Variants in SPG7 observed in about 807,000 individuals in gnomAD.
SPG7 encodes the protein mitochondrial inner membrane m-AAA protease component paraplegin.
A neutral mutation model predicts 81.9 loss-of-function variants in SPG7; 103 were observed. That is an observed-to-expected ratio of 1.26 (90% CI 1.07 to 1.48). The LOEUF is 1.48. SPG7 is among the 40% of genes most tolerant of loss of function. SPG7 has a pLI of 0.00. For missense variants in SPG7, 1,241 were observed against 1,087.3 expected (o/e 1.14, Z -1.99); for synonymous variants, 534 against 444.2 (o/e 1.20, Z -2.54).
At chr16:89,509,702 T>C (rs1334479745) in intron 1 of SPG7, among the ~76,000 whole-genome samples, 1 of 152,022 alleles carries the variant, frequency 6.6e-6, no homozygotes, top group African/African-American at 2.4e-5. Context: ...CTGTGGCCTT[T>C]GGAGAGCTGG....
intron 3 of SPG7, chr16:89,519,594 CTTG>C (rs2058157096): frequency 6.6e-6 from 1 of 151,420 alleles, no homozygotes; most frequent in African/African-American, 2.4e-5. Context: ...GTTGGTCAGG[CTTG>C]TCTCAGACTC....
At chr16:89,548,193 TGAG>T in intron 12 of SPG7, 80 bp downstream of exon 12, 1 of 957,260 alleles carries the variant, frequency 1.0e-6, no homozygotes, top group Non-Finnish European at 1.7e-6. Context: ...TATTGAGAGG[TGAG>T]GTGGATGGAA....
intron 2 of SPG7, among the ~76,000 whole-genome samples, chr16:89,512,495 T>C (rs2058036088): frequency 6.6e-6 from 1 of 152,020 alleles, no homozygotes; most frequent in South Asian, 2.1e-4. Flanking sequence ...GTATTTTTAG[T>C]GGAGACAGTG....
chr16:89,549,678 A>G (rs142323281), intron 12 of SPG7: 69 of 173,066 alleles, frequency 4.0e-4, no homozygotes, highest in Admixed American at 1.1e-3. Context: ...TGACAGAAAA[A>G]AAGCCTTGTC....
chr16:89,549,067 C>T (rs1313780670), intron 12 of SPG7: 1 of 456,290 alleles, frequency 2.2e-6, no homozygotes, highest in South Asian at 1.5e-5. Context: ...ACACACCTGG[C>T]TTCTCTCCGA....
chr16:89,519,594 CT>C (rs35157700), intron 3 of SPG7: 65,570 of 151,428 alleles, frequency 0.43, 14,689 homozygotes, highest in East Asian at 0.67. Context: ...GTTGGTCAGG[CT>C]TGTCTCAGAC....
intron 6 of SPG7, 131 bp from the exon 7 acceptor site, chr16:89,530,552 G>A (rs1260675598): frequency 2.0e-6 from 2 of 983,218 alleles, no homozygotes; most frequent in Non-Finnish European, 3.3e-6. Flanking sequence ...AGCCTGACAT[G>A]AGTGAAGCCT....
chr16:89,543,057 C>T (rs111239446), intron 9 of SPG7: 2 of 149,240 alleles, frequency 1.3e-5, no homozygotes, highest in African/African-American at 4.9e-5. Context: ...ACGCCATTCT[C>T]CTGCTTCAGC....
At chr16:89,554,040 C>G (rs891551160) in intron 15 of SPG7, 80 bp downstream of exon 15, 2 of 1,510,454 alleles carry the variant, frequency 1.3e-6, no homozygotes, top group South Asian at 1.1e-5. Context: ...AAGGGTCGCC[C>G]ACGGCCGCCC....
intron 16 of SPG7, chr16:89,556,286 G>A: frequency 5.0e-6 from 2 of 396,250 alleles, no homozygotes; most frequent in Non-Finnish European, 4.4e-6. Context: ...CTGGAAGAGT[G>A]AGGAAAGGAG....
intron 3 of SPG7, among the ~76,000 whole-genome samples, chr16:89,516,640 C>G (rs1237007761): frequency 6.6e-6 from 1 of 151,162 alleles, no homozygotes; most frequent in East Asian, 2.0e-4. Flanking sequence ...GCGAGCAGAT[C>G]ACAAGGTCAG....
rs758654544 is a variant in SPG7 at position 89,510,597 on chromosome 16, G to A, written c.286+5G>A. On this transcript the variant is annotated splice_donor_5th_base_variant and intron_variant, in intron 2 of 16. Transcript: ENST00000645818. ...TCAGACTCTGGCAACTTTTAGGTAT[G>A]TATCTGTTTAAAGAAGCAGCTGAGC... 2 of 1,575,390 alleles carry A rather than the reference G, an allele frequency of 1.3e-6. No homozygotes were observed. Among genetic ancestry groups the A allele is most frequent in the Admixed American group, 3.3e-5 (2 of 59,886 alleles).
rs1300486821 is a variant in SPG7 at position 89,557,435 on chromosome 16, C to A, written c.*342C>A. 1 of 357,348 alleles carries A rather than the reference C, an allele frequency of 2.8e-6. No homozygotes were observed. The highest frequency in any genetic ancestry group is 2.1e-5 in the African/African-American group (1 of 47,768). The allele number at this position is 357,348 out of a possible 1,614,324, so 22.1% of individuals were successfully genotyped here. On this transcript the variant is annotated 3_prime_UTR_variant, in exon 17 of 17. Coordinates refer to ENST00000645818, the MANE Select transcript of SPG7 (RefSeq NM_003119.4). ...GGCAGCAGAGCATTCAGACTCCAAA[C>A]AGACCCCTGTTCATGCCGACGCTTG...
At chr16:89,548,830 G>C in intron 12 of SPG7, 2 of 422,116 alleles carry the variant, frequency 4.7e-6, no homozygotes, top group Non-Finnish European at 9.7e-6. Flanking sequence ...CGCACTGTCA[G>C]TGTGAGACAG....
chr16:89,544,101 G>A (rs937438054), intron 9 of SPG7: 11 of 177,772 alleles, frequency 6.2e-5, no homozygotes, highest in Middle Eastern at 5.3e-3. Context: ...ATCTCTTTTC[G>A]CAGTTGATTT....
intron 6 of SPG7, chr16:89,530,194 G>T (rs2058322595): frequency 2.0e-5 from 6 of 292,812 alleles, no homozygotes; most frequent in South Asian, 2.0e-4. Context: ...GCCCAGGCTG[G>T]AGTGCAGTGG....
chr16:89,536,769 C>G, intron 9 of SPG7: 1 of 1,614,020 alleles, frequency 6.2e-7, no homozygotes, highest in Non-Finnish European at 8.5e-7. Context: ...AACCAGGTGC[C>G]TCTCTTGACC....
chr16:89,531,931 G>A lies in SPG7; in HGVS notation c.1015G>A (p.Ala339Thr), dbSNP rs753406143. The change falls in exon 8 of 17, where the codon GCC becomes ACC. Residue 339 changes from alanine (A) to threonine (T), a missense_variant. Transcript: ENST00000645818. ...CCCAGAACGCTTCCTCCAGCTTGGC[G>A]CCAAGGTCCCAAAGGGCGCACTGCT... Reference protein sequence around the residue: ...KSPERFLQLGAKVPKGALLLG... With the variant: ...KSPERFLQLGTKVPKGALLLG... 12 of 1,613,990 alleles carry A rather than the reference G, an allele frequency of 7.4e-6. No individual in the cohort carries two copies. Among genetic ancestry groups the A allele is most frequent in the Middle Eastern group, 1.6e-4 (1 of 6,078 alleles).
chr16:89,552,945 C>T, intron 13 of SPG7, 34 bp from the exon 14 acceptor site: 1 of 1,611,680 alleles, frequency 6.2e-7, no homozygotes, highest in Non-Finnish European at 8.5e-7. Flanking sequence ...ACGCATCCTG[C>T]CTACTGACCT....
Sources: gnomAD v4.1 joint callset for allele counts (sites outside exome capture counted in the v4.1 genomes callset) on GRCh38, gnomAD v4.1.1 for gene constraint, MANE v1.5 for transcripts, NCBI Gene and HGNC (gene_info 2026-07-23, HGNC 2026-07-21) for gene names.